Variants in VPS4B observed in about 807,000 individuals in gnomAD.
VPS4B encodes vacuolar protein sorting 4 homolog B, also known as vacuolar protein sorting-associated protein 4B.
In VPS4B, 23 loss-of-function variants were observed where a neutral mutation model predicts 56.1. That is an observed-to-expected ratio of 0.41 (90% CI 0.30 to 0.58). VPS4B has a LOEUF of 0.58. VPS4B is among the 20% of genes least tolerant of loss of function. The pLI, the probability that VPS4B is intolerant of heterozygous loss-of-function variation, is 0.29. For synonymous variants in VPS4B, 177 were observed against 186.0 expected (o/e 0.95, Z 0.39); for missense variants, 372 against 531.9 (o/e 0.70, Z 2.96).
intron 1 of VPS4B, among the ~76,000 whole-genome samples, chr18:63,412,913 G>C (rs1262205690): frequency 1.3e-5 from 2 of 149,944 alleles, no homozygotes; most frequent in Non-Finnish European, 3.0e-5. Flanking sequence ...CTATATAAAA[G>C]AAAAAAAAAG....
At chr18:63,407,554 C>A in intron 3 of VPS4B, 55 bp from the exon 4 acceptor site, 6 of 1,383,866 alleles carry the variant, frequency 4.3e-6, no homozygotes, top group South Asian at 4.1e-5. Flanking sequence ...TCAAATAAGG[C>A]AAAAATGAAG....
intron 1 of VPS4B, among the ~76,000 whole-genome samples, chr18:63,414,216 T>C (rs1395996506): frequency 6.6e-6 from 1 of 151,658 alleles, no homozygotes; most frequent in Non-Finnish European, 1.5e-5. Flanking sequence ...ACCCCATCTC[T>C]AAAAATACAA....
intron 4 of VPS4B, among the ~76,000 whole-genome samples, chr18:63,407,064 G>T (rs1254498446): frequency 1.3e-5 from 2 of 152,222 alleles, no homozygotes; most frequent in African/African-American, 4.8e-5. Context: ...AAAGCCACGT[G>T]TAAGTCCTAA....
intron 5 of VPS4B, among the ~76,000 whole-genome samples, chr18:63,401,472 T>A (rs923095062): frequency 5.3e-5 from 8 of 152,180 alleles, no homozygotes; most frequent in Non-Finnish European, 1.2e-4. Context: ...CAGGCTGGTC[T>A]CGATCTTCTG....
intron 2 of VPS4B, 97 bp downstream of exon 2, chr18:63,411,370 T>C (rs2144432236): frequency 4.5e-6 from 4 of 883,450 alleles, no homozygotes; most frequent in Non-Finnish European, 6.2e-6. Flanking sequence ...AATGGATCGT[T>C]TAGAATTGTC....
rs183541740 is a variant in VPS4B at position 63,414,623 on chromosome 18, T to C, written c.28-3045A>G. Among the ~76,000 whole-genome samples the C allele has an allele frequency of 3.3e-3, 507 of 152,060 alleles. 3 individuals are homozygous for C. Among genetic ancestry groups the C allele is most frequent in the Non-Finnish European group, 4.6e-3 (316 of 67,974 alleles). On this transcript the variant is annotated intron_variant, in intron 1 of 10. Transcript: ENST00000238497. The stretch of plus-strand genomic sequence containing the variant: ...CTAATTTTTGTATTTTTAGTAGAGA[T>C]GGGATTTCACCATGTTGGCCAGGCT...
At chr18:63,396,186 AAAAT>A (rs141528912) in intron 9 of VPS4B, among the ~76,000 whole-genome samples, 23,517 of 152,200 alleles carry the variant, frequency 0.15, 2,037 homozygotes, top group East Asian at 0.35. Flanking sequence ...TACTTATATC[AAAAT>A]AATACACAAA....
intron 6 of VPS4B, 22 bp downstream of exon 6, chr18:63,400,525 A>T (rs751967492): frequency 5.0e-6 from 8 of 1,595,970 alleles, no homozygotes; most frequent in South Asian, 1.1e-5. Context: ...AAAAAACTTT[A>T]AAAAATTGAT....
intron 10 of VPS4B, 152 bp from the exon 11 acceptor site, chr18:63,391,228 TTC>T: frequency 3.9e-6 from 2 of 509,064 alleles, no homozygotes; most frequent in South Asian, 2.2e-5. Flanking sequence ...AAACTCCCTA[TTC>T]TTTTTTTTTT....
intron 4 of VPS4B, among the ~76,000 whole-genome samples, chr18:63,406,475 A>C (rs1353728611): frequency 6.6e-6 from 1 of 152,248 alleles, no homozygotes; most frequent in Non-Finnish European, 1.5e-5. Flanking sequence ...TGAACCTATA[A>C]AATGGAAATC....
At chr18:63,407,348 G>T in intron 4 of VPS4B, 84 bp downstream of exon 4, 1 of 1,169,876 alleles carries the variant, frequency 8.5e-7, no homozygotes. Flanking sequence ...AAATATAGAG[G>T]GAGAACAAAA....
In VPS4B at chr18:63,390,063, C is replaced by CA. The variant is rs2144405942; in HGVS notation, c.*911dup. The CA allele has an allele frequency of 6.6e-6, 1 of 152,228 alleles. No individual in the cohort carries two copies. Among genetic ancestry groups the CA allele is most frequent in the South Asian group, 2.1e-4 (1 of 4,820 alleles). 9.4% of individuals were successfully genotyped at this position (152,228 alleles called of 1,614,324 possible). ...TTACCGTTTTTGTTTTTTTTTGAGACAGAGTTTTATTCAGTCGCCCAGGCT... is the reference window on the plus strand; with the variant it reads ...TTACCGTTTTTGTTTTTTTTTGAGACAAGAGTTTTATTCAGTCGCCCAGGCT... On this transcript the variant is annotated 3_prime_UTR_variant, in exon 11 of 11. Coordinates refer to ENST00000238497, the MANE Select transcript of VPS4B (RefSeq NM_004869.4).
At chr18:63,402,382 A>T (rs1178569318) in intron 5 of VPS4B, among the ~76,000 whole-genome samples, 3 of 152,216 alleles carry the variant, frequency 2.0e-5, no homozygotes, top group African/African-American at 7.2e-5. Flanking sequence ...TGGCGTTAGA[A>T]GTCGAGAGAG....
intron 5 of VPS4B, among the ~76,000 whole-genome samples, chr18:63,403,326 G>C (rs1915852346): frequency 6.6e-6 from 1 of 152,142 alleles, no homozygotes. Context: ...TACACATTTA[G>C]CAAACATGGA....
chr18:63,397,733 CTA>C (rs1915703076), intron 8 of VPS4B, among the ~76,000 whole-genome samples: 1 of 152,146 alleles, frequency 6.6e-6, no homozygotes, highest in South Asian at 2.1e-4. Flanking sequence ...AGAATAAACA[CTA>C]TGTTTCATTA....
In VPS4B at chr18:63,400,028, A is replaced by G. The variant is rs1319770771; in HGVS notation, c.790+20T>C. Reference sequence around the variant, plus strand: ...AGTGAGACTCCGTCTCAAAAAGAAAAAAAAAATTAGTAACACTACCTTGCA... The same window carrying G: ...AGTGAGACTCCGTCTCAAAAAGAAAGAAAAAATTAGTAACACTACCTTGCA... On this transcript the variant is annotated intron_variant, in intron 7 of 10. Transcript: ENST00000238497. 6.3e-7 allele frequency: 1 copy of G among 1,592,130 alleles called. No individual in the cohort carries two copies. Among genetic ancestry groups the G allele is most frequent in the Non-Finnish European group, 8.5e-7 (1 of 1,173,784 alleles).
chr18:63,394,298 A>C (rs1162431869), intron 9 of VPS4B, among the ~76,000 whole-genome samples: 2 of 152,202 alleles, frequency 1.3e-5, no homozygotes, highest in Non-Finnish European at 2.9e-5. Context: ...TCTTTCAACA[A>C]AAATGCTCTC....
At chr18:63,394,829 G>A (rs376381133) in intron 9 of VPS4B, among the ~76,000 whole-genome samples, 2 of 152,248 alleles carry the variant, frequency 1.3e-5, no homozygotes, top group African/African-American at 4.8e-5. Context: ...CAGTATTAGT[G>A]TAGATGTGAA....
chr18:63,390,533 T>C lies in VPS4B; in HGVS notation c.*442A>G, dbSNP rs1915522814. ...CCATCCCTGAGTAAAGATTCTATCATTTGTAATTTTTTAATAACGTAAATT... is the reference window on the plus strand; with the variant it reads ...CCATCCCTGAGTAAAGATTCTATCACTTGTAATTTTTTAATAACGTAAATT... On this transcript the variant is annotated 3_prime_UTR_variant, in exon 11 of 11. Transcript: ENST00000238497. 1 of 153,166 alleles carries C rather than the reference T, an allele frequency of 6.5e-6. No individual in the cohort carries two copies. The highest frequency in any genetic ancestry group is 1.5e-5 in the Non-Finnish European group (1 of 68,468). The allele number at this position is 153,166 out of a possible 1,614,324, so 9.5% of individuals were successfully genotyped here.
Sources: allele counts gnomAD v4.1 joint callset (sites outside exome capture counted in the v4.1 genomes callset), GRCh38; gene constraint gnomAD v4.1.1; transcripts MANE v1.5; gene names NCBI Gene and HGNC (gene_info 2026-07-23, HGNC 2026-07-21).